NDUFA10: variants seen among roughly 807,000 people sequenced by gnomAD.
NDUFA10 encodes NADH dehydrogenase [ubiquinone] 1 alpha subcomplex subunit 10, mitochondrial.
A neutral mutation model predicts 47.8 loss-of-function variants in NDUFA10; 40 were observed. That is an observed-to-expected ratio of 0.84 (90% CI 0.65 to 1.09). The LOEUF is 1.09. NDUFA10 is among the 50% of genes least tolerant of loss of function. The pLI, the probability that NDUFA10 is intolerant of heterozygous loss-of-function variation, is 0.00. For synonymous variants in NDUFA10, 183 were observed against 172.2 expected, an observed-to-expected ratio of 1.06 and a Z score of -0.49; for missense variants, 413 against 451.1, an observed-to-expected ratio of 0.92 and a Z score of 0.76.
intron 8 of NDUFA10, among the ~76,000 whole-genome samples, chr2:239,991,617 C>A (rs1696250412): frequency 6.6e-6 from 1 of 152,200 alleles, no homozygotes; most frequent in Non-Finnish European, 1.5e-5. Flanking sequence ...GAAACTGCTG[C>A]TAGCTTTCCT....
At chr2:239,995,326 G>A (rs1189681871) in intron 8 of NDUFA10, among the ~76,000 whole-genome samples, 1 of 152,116 alleles carries the variant, frequency 6.6e-6, no homozygotes, top group East Asian at 1.9e-4. Context: ...GTGACAGCAG[G>A]AGGAGCCAAG....
intron 4 of NDUFA10, among the ~76,000 whole-genome samples, chr2:239,914,647 C>G (rs1693814127): frequency 9.7e-6 from 1 of 103,242 alleles, no homozygotes; most frequent in Non-Finnish European, 1.9e-5. Context: ...CACACACATA[C>G]ATACACAGAC....
At chr2:239,953,422 C>T (rs575112148), downstream of NDUFA10, among the ~76,000 whole-genome samples, 1 of 152,330 alleles carries the variant, frequency 6.6e-6, no homozygotes, top group Admixed American at 6.5e-5. Context: ...CCGCAAAGTG[C>T]AAGGCAGCTG....
intron 4 of NDUFA10, among the ~76,000 whole-genome samples, chr2:239,914,813 G>C (rs1029081312): frequency 1.4e-5 from 2 of 142,220 alleles, no homozygotes; most frequent in African/African-American, 5.6e-5. Flanking sequence ...TACACACACA[G>C]AACACACACA....
chr2:239,898,938 CGGAGGGGTGT>C (rs1410046379), intron 4 of NDUFA10, among the ~76,000 whole-genome samples: 1 of 102,194 alleles, frequency 9.8e-6, no homozygotes, highest in Non-Finnish European at 2.2e-5. Context: ...AGGGGTGTGA[CGGAGGGGTGT>C]GGAGGGGTGT....
chr2:240,007,242 C>G (rs116442252), intron 7 of NDUFA10, 74 bp downstream of exon 7: 1 of 1,138,488 alleles, frequency 8.8e-7, no homozygotes, highest in African/African-American at 1.5e-5. Flanking sequence ...ATCTAACTGA[C>G]GATCTGATTT....
chr2:239,938,823 G>T (rs1694311740), intron 4 of NDUFA10, among the ~76,000 whole-genome samples: 2 of 152,190 alleles, frequency 1.3e-5, no homozygotes, highest in African/African-American at 2.4e-5. Flanking sequence ...CGCAGCGAAT[G>T]CACCATCCAG....
At chr2:239,918,781 A>T (rs1045757998) in intron 4 of NDUFA10, among the ~76,000 whole-genome samples, 19 of 152,198 alleles carry the variant, frequency 1.2e-4, no homozygotes, top group Admixed American at 1.1e-3. Context: ...TACCCACGTC[A>T]GCTCCCACCC....
At chr2:239,908,202 A>T (rs1337907823) in intron 4 of NDUFA10, among the ~76,000 whole-genome samples, 1 of 151,564 alleles carries the variant, frequency 6.6e-6, no homozygotes, top group African/African-American at 2.4e-5. Flanking sequence ...AACAATGAGA[A>T]CACTTGGACA....
chr2:240,007,330 G>C lies in NDUFA10; in HGVS notation c.790C>G (p.Gln264Glu). The C allele has an allele frequency of 6.3e-7, 1 of 1,593,504 alleles. No homozygotes were observed. The highest frequency in any genetic ancestry group is 8.6e-7 in the Non-Finnish European group (1 of 1,161,428). Residue 264 changes from glutamine (Q) to glutamate (E), a missense_variant, in exon 7 of 10, where the codon CAA (glutamine) becomes GAA (glutamate). By Grantham distance (29) the Gln-to-Glu change is conservative. Coordinates refer to ENST00000252711, the MANE Select transcript of NDUFA10 (RefSeq NM_004544.4). ...EVLQYSAREA[Q>E]DSKKVVEDIE... ...CATTTTCTTACCTTTTTTGAATCTT[G>C]AGCTTCCCTTGCAGAATATTGTAAA...
intron 9 of NDUFA10, chr2:239,969,693 C>A (rs957749125): frequency 4.2e-6 from 2 of 471,324 alleles, no homozygotes; most frequent in Non-Finnish European, 8.8e-6. Flanking sequence ...TCTCCCCGAT[C>A]CTTCAAAGGT....
At position 239,950,398 on chromosome 2, in the gene NDUFA10, C is replaced by A. The variant is rs561384778; in HGVS notation, c.294+39676G>T. Among the ~76,000 whole-genome samples, 3 of 152,332 alleles carry A rather than the reference C, an allele frequency of 2.0e-5. No individual in the cohort carries two copies. In the South Asian group the frequency reaches 6.2e-4, roughly 32 times the overall value. ...CCGACCCACCACCTTCTTTTTCAGA[C>A]GGCTCCAGTCCACCAAGCTGCCCCC... On this transcript the variant is annotated intron_variant, in intron 4 of 5. Coordinates refer to the NDUFA10 transcript ENST00000419408.
intron 9 of NDUFA10, among the ~76,000 whole-genome samples, chr2:239,961,682 A>G (rs1694858002): frequency 6.6e-6 from 1 of 152,232 alleles, no homozygotes; most frequent in African/African-American, 2.4e-5. Flanking sequence ...TTGGCGGAGT[A>G]GGAAAGTGAG....
At chr2:240,019,987 G>C (rs1697552808) in intron 3 of NDUFA10, among the ~76,000 whole-genome samples, 1 of 152,098 alleles carries the variant, frequency 6.6e-6, no homozygotes, top group Non-Finnish European at 1.5e-5. Context: ...CCAAGATCAG[G>C]GTTTACGTTC....
At chr2:239,991,580 G>T (rs1696249661) in intron 8 of NDUFA10, among the ~76,000 whole-genome samples, 1 of 152,188 alleles carries the variant, frequency 6.6e-6, no homozygotes, top group Admixed American at 6.5e-5. Context: ...TGCATTAATT[G>T]TAAGACTACA....
At chr2:240,020,863 G>A (rs979756709) in intron 3 of NDUFA10, among the ~76,000 whole-genome samples, 2 of 152,136 alleles carry the variant, frequency 1.3e-5, no homozygotes, top group African/African-American at 2.4e-5. Flanking sequence ...GTGTGATCCC[G>A]TTTCCTCCTG....
chr2:239,964,101 G>A (rs565036970), intron 9 of NDUFA10, among the ~76,000 whole-genome samples: 1 of 152,314 alleles, frequency 6.6e-6, no homozygotes, highest in South Asian at 2.1e-4. Flanking sequence ...GGGCTGGTAG[G>A]CGGGGTCTCT....
At chr2:240,021,498 C>T (rs1697622285) in intron 2 of NDUFA10, 86 bp from the exon 3 acceptor site, 3 of 1,208,798 alleles carry the variant, frequency 2.5e-6, no homozygotes, top group East Asian at 2.4e-5. Context: ...AACACACAGC[C>T]CGCCCGAATC....
intron 8 of NDUFA10, among the ~76,000 whole-genome samples, chr2:239,999,737 G>C (rs960742081): frequency 1.2e-4 from 19 of 152,248 alleles, no homozygotes; most frequent in Admixed American, 6.5e-4. Context: ...TGCAGCTAAA[G>C]CTGAATTTTG....
Sources: allele counts gnomAD v4.1 joint callset (sites outside exome capture counted in the v4.1 genomes callset), GRCh38; gene constraint gnomAD v4.1.1; transcripts MANE v1.5; gene names NCBI Gene and HGNC (gene_info 2026-07-23, HGNC 2026-07-21).